Variants in RXFP1 observed in about 807,000 individuals in gnomAD.
RXFP1 encodes relaxin family peptide receptor 1, also known as relaxin receptor 1.
RXFP1 carries 73 observed loss-of-function variants against 89.8 expected under a neutral mutation model. That is an observed-to-expected ratio of 0.81 (90% CI 0.67 to 0.99). RXFP1 has a LOEUF of 0.99. Among genes scored for constraint, RXFP1 ranks in the 50% least tolerant of loss-of-function variants. The pLI is 0.00. For missense variants in RXFP1, 793 were observed against 895.5 expected, an observed-to-expected ratio of 0.89 and a Z score of 1.46; for synonymous variants, 277 against 305.5, an observed-to-expected ratio of 0.91 and a Z score of 0.97.
At chr4:158,571,760 G>GA (rs59106046) in intron 1 of RXFP1, among the ~76,000 whole-genome samples, 146,145 of 152,326 alleles carry the variant, frequency 0.96, 70,357 homozygotes, top group East Asian at 1. Flanking sequence ...TTTTCTAACA[G>GA]AAGCAGCCTG....
chr4:158,581,933 T>A (rs1333569042), intron 2 of RXFP1, among the ~76,000 whole-genome samples: 1 of 152,130 alleles, frequency 6.6e-6, no homozygotes, highest in Non-Finnish European at 1.5e-5. Flanking sequence ...GGGGAGCCAG[T>A]GTGTGCAAAG....
chr4:158,653,325 T>C lies in RXFP1; in HGVS notation c.*1270T>C, dbSNP rs955265381. The C allele has an allele frequency of 2.0e-5, 3 of 152,246 alleles. No individual in the cohort carries two copies. The highest frequency in any genetic ancestry group is 7.2e-5 in the African/African-American group (3 of 41,464). 9.4% of individuals were successfully genotyped at this position (152,246 alleles called of 1,614,324 possible). ...AATGCACTTATTGAATATATAGTTG[T>C]ATAGATTTGTTCTGAAAATAAATTA... is the stretch of plus-strand genomic sequence containing the variant. On this transcript the variant is annotated 3_prime_UTR_variant, in exon 18 of 18. Transcript: ENST00000307765.
At chr4:158,544,371 G>C in intron 1 of RXFP1, 2 of 984,928 alleles carry the variant, frequency 2.0e-6, no homozygotes, top group African/African-American at 1.7e-5. Context: ...TCAAAAGAGG[G>C]ACAGATCACC....
intron 3 of RXFP1, 109 bp from the exon 4 acceptor site, chr4:158,599,217 G>A: frequency 6.5e-7 from 1 of 1,545,104 alleles, no homozygotes; most frequent in African/African-American, 1.4e-5. Context: ...CACATGATAT[G>A]CTTTTGTACT....
intron 1 of RXFP1, among the ~76,000 whole-genome samples, chr4:158,556,372 C>T (rs1016786957): frequency 1.3e-5 from 2 of 152,058 alleles, no homozygotes; most frequent in Non-Finnish European, 2.9e-5. Context: ...AATGAGATAT[C>T]ATCTCACTCC....
At chr4:158,561,688 T>G (rs1752480371) in intron 1 of RXFP1, among the ~76,000 whole-genome samples, 1 of 141,114 alleles carries the variant, frequency 7.1e-6, no homozygotes, top group African/African-American at 2.7e-5. Flanking sequence ...AGTGCAGTGG[T>G]GTGATCTCGT....
intron 13 of RXFP1, 142 bp from the exon 14 acceptor site, chr4:158,639,118 T>A: frequency 1.9e-6 from 1 of 534,104 alleles, no homozygotes; most frequent in Non-Finnish European, 3.4e-6. Flanking sequence ...TTTGGGGAAG[T>A]GGGTGGGTTG....
At chr4:158,645,444 A>G (rs1771334751) in intron 15 of RXFP1, among the ~76,000 whole-genome samples, 1 of 152,196 alleles carries the variant, frequency 6.6e-6, no homozygotes, top group South Asian at 2.1e-4. Context: ...CTTTTACTAC[A>G]AATAAAATTG....
chr4:158,553,858 A>G (rs1006403174), intron 1 of RXFP1, among the ~76,000 whole-genome samples: 62 of 152,284 alleles, frequency 4.1e-4, no homozygotes, highest in African/African-American at 1.4e-3. Flanking sequence ...TCAGCATGCT[A>G]AAGTGCCATA....
upstream of RXFP1, chr4:158,521,743 C>T (rs1741229318): frequency 2.0e-6 from 1 of 507,756 alleles, no homozygotes; most frequent in South Asian, 2.7e-5. Context: ...GAGATTAGGA[C>T]ATTTAGAGAA....
At chr4:158,576,736 T>C (rs1756308615) in intron 2 of RXFP1, among the ~76,000 whole-genome samples, 1 of 149,444 alleles carries the variant, frequency 6.7e-6, no homozygotes, top group Admixed American at 6.6e-5. Context: ...ATGCTAGTAG[T>C]GGCAGTCATC....
In RXFP1 at chr4:158,572,819, C is replaced by T. The variant is rs372906848; in HGVS notation, c.171C>T (p.Ala57=). The T allele has an allele frequency of 3.7e-6, 6 of 1,613,898 alleles. No individual in the cohort carries two copies. Among genetic ancestry groups the T allele is most frequent in the African/African-American group, 2.7e-5 (2 of 74,868 alleles). Residue 57 remains alanine, a synonymous_variant, in exon 2 of 18, where the codon GCC becomes GCT. Coordinates refer to ENST00000307765, the MANE Select transcript of RXFP1 (RefSeq NM_021634.4). ...CNGVDDCGNQ[A]DEDNCGDNNG... is the part of the protein sequence containing the mutation. ...GTGTGGACGACTGCGGGAATCAGGC[C>T]GATGAGGACAACTGTGGTGAGTGAA... is the stretch of plus-strand genomic sequence containing the variant.
chr4:158,581,722 T>A (rs993829819), intron 2 of RXFP1, among the ~76,000 whole-genome samples: 4 of 152,214 alleles, frequency 2.6e-5, no homozygotes, highest in Non-Finnish European at 5.9e-5. Flanking sequence ...GATGGAGACA[T>A]TGATGCACTG....
At chr4:158,618,010 G>A (rs1764921115) in intron 9 of RXFP1, among the ~76,000 whole-genome samples, 1 of 152,032 alleles carries the variant, frequency 6.6e-6, no homozygotes, top group South Asian at 2.1e-4. Flanking sequence ...GCTATAAAAA[G>A]CAATGACAGT....
At chr4:158,631,480 C>G (rs1485978911) in intron 11 of RXFP1, among the ~76,000 whole-genome samples, 1 of 152,106 alleles carries the variant, frequency 6.6e-6, no homozygotes, top group Admixed American at 6.6e-5. Context: ...AGAAAGGAAG[C>G]ACATATGTAC....
intron 9 of RXFP1, 47 bp downstream of exon 9, chr4:158,617,252 T>G (rs1764765504): frequency 7.4e-7 from 1 of 1,349,678 alleles, no homozygotes; most frequent in Non-Finnish European, 1.1e-6. Flanking sequence ...AATTTTCTGT[T>G]TTTACCTAAT....
At chr4:158,554,035 G>T (rs374531644) in intron 1 of RXFP1, among the ~76,000 whole-genome samples, 3 of 151,988 alleles carry the variant, frequency 2.0e-5, no homozygotes, top group African/African-American at 7.3e-5. Context: ...ATTCTTAGCA[G>T]CATCCTTGCA....
At chr4:158,548,163 G>C (rs1386947272) in intron 1 of RXFP1, among the ~76,000 whole-genome samples, 3 of 152,216 alleles carry the variant, frequency 2.0e-5, no homozygotes, top group East Asian at 3.8e-4. Flanking sequence ...ATTTAGGATA[G>C]TTAGCTCTTA....
chr4:158,598,126 G>T (rs1459888132), intron 3 of RXFP1, among the ~76,000 whole-genome samples: 1 of 152,066 alleles, frequency 6.6e-6, no homozygotes, highest in African/African-American at 2.4e-5. Flanking sequence ...ACACTTGCTT[G>T]CTCTCTGCAA....
Sources: gnomAD v4.1 joint callset for allele counts (sites outside exome capture counted in the v4.1 genomes callset) on GRCh38, gnomAD v4.1.1 for gene constraint, MANE v1.5 for transcripts, NCBI Gene and HGNC (gene_info 2026-07-23, HGNC 2026-07-21) for gene names.